The following ALDOB variants were observed in gnomAD, a reference collection of about 807,000 sequenced individuals.
The protein encoded by ALDOB is fructose-bisphosphate aldolase B.
Under a neutral mutation model 41.0 loss-of-function variants are expected in ALDOB, and 39 were observed. That is an observed-to-expected ratio of 0.95 (90% CI 0.74 to 1.24). The LOEUF is 1.24. Among genes scored for constraint, ALDOB ranks in the 50% most tolerant of loss-of-function variants. The pLI is 0.00. For synonymous variants in ALDOB, 175 were observed against 168.8 expected, an observed-to-expected ratio of 1.04 and a Z score of -0.28; for missense variants, 530 against 457.3, an observed-to-expected ratio of 1.16 and a Z score of -1.45.
In ALDOB at chr9:101,427,500, G is replaced by A. The variant is rs752902486; in HGVS notation, c.522C>T (p.Tyr174=). ...IQENANALAR[Y]ASICQQNGLV... is the part of the protein sequence containing the mutation. ...AGAGCACCTGCTGACAGATGCTGGC[G>A]TAGCGAGCCAGGGCGTTGGCGTTTT... is the stretch of plus-strand genomic sequence containing the variant. The change falls in exon 5 of 9, where the codon TAC becomes TAT. Residue 174 remains tyrosine (Y), a synonymous_variant. Transcript: ENST00000647789. The A allele has an allele frequency of 3.2e-5, 51 of 1,614,058 alleles. No homozygotes were observed. Among genetic ancestry groups the A allele is most frequent in the East Asian group, 4.5e-5 (2 of 44,884 alleles).
intron 5 of ALDOB, 40 bp downstream of exon 5, chr9:101,427,442 C>T (rs755044774): frequency 6.2e-7 from 1 of 1,612,732 alleles, no homozygotes; most frequent in Non-Finnish European, 8.5e-7. Flanking sequence ...GAAGAAAACT[C>T]TAGCCTACTC....
intron 2 of ALDOB, among the ~76,000 whole-genome samples, chr9:101,430,245 C>T (rs1201245512): frequency 6.6e-6 from 1 of 152,092 alleles, no homozygotes; most frequent in Non-Finnish European, 1.5e-5. Context: ...TCTCTAGCCT[C>T]CCTGATCTGG....
chr9:101,425,022 C>T lies in ALDOB; in HGVS notation c.820G>A (p.Gly274Ser), dbSNP rs770692295. The change falls in exon 8 of 9, where the codon GGC becomes AGC. Residue 274 changes from glycine (G) to serine (S), a missense_variant. By Grantham distance (56) the Gly-to-Ser change is moderately conservative. Transcript: ENST00000647789. ...AVPGICFLSG[G>S]MSEEDATLNL... ...AGAGTGGCATCCTCTTCACTCATGC[C>T]ACCAGACAAAAAGCAGATGCCTGGT... The T allele has an allele frequency of 6.2e-7, 1 of 1,614,186 alleles. No individual in the cohort carries two copies. Among genetic ancestry groups the T allele is most frequent in the East Asian group, 2.2e-5 (1 of 44,880 alleles).
chr9:101,423,425 T>A (rs992192588), intron 8 of ALDOB, among the ~76,000 whole-genome samples: 3 of 152,196 alleles, frequency 2.0e-5, no homozygotes, highest in African/African-American at 7.2e-5. Context: ...CACTCTTATT[T>A]CAGCTGCACA....
intron 5 of ALDOB, 120 bp from the exon 6 acceptor site, chr9:101,426,758 A>G (rs1411678621): frequency 2.8e-6 from 2 of 721,310 alleles, no homozygotes; most frequent in African/African-American, 3.5e-5. Flanking sequence ...AATACTACAT[A>G]GATGACTTAA....
chr9:101,430,611 CT>C (rs1831202311), intron 2 of ALDOB, among the ~76,000 whole-genome samples, 164 bp downstream of exon 2: 1 of 152,180 alleles, frequency 6.6e-6, no homozygotes. Context: ...AGGAATGTGC[CT>C]ACTACTTACA....
intron 5 of ALDOB, among the ~76,000 whole-genome samples, chr9:101,426,927 A>T (rs17773040): frequency 0.079 from 12,053 of 152,288 alleles, 542 homozygotes; most frequent in Middle Eastern, 0.16. Flanking sequence ...AAGTTGGGTT[A>T]ATGAAGAAAT....
At chr9:101,425,182 G>A (rs1831106912) in intron 7 of ALDOB, 140 bp from the exon 8 acceptor site, 2 of 1,062,944 alleles carry the variant, frequency 1.9e-6, no homozygotes, top group Admixed American at 2.0e-5. Flanking sequence ...TGAGAAATCA[G>A]TTTGCTTTTG....
At chr9:101,425,148 T>A in intron 7 of ALDOB, 106 bp from the exon 8 acceptor site, 1 of 1,325,792 alleles carries the variant, frequency 7.5e-7, no homozygotes, top group Non-Finnish European at 1.1e-6. Context: ...GTCTTTTCTC[T>A]GCTTAATTTG....
At chr9:101,423,128 A>G (rs1831073096) in intron 8 of ALDOB, among the ~76,000 whole-genome samples, 1 of 152,194 alleles carries the variant, frequency 6.6e-6, no homozygotes, top group Admixed American at 6.5e-5. Context: ...AAGGTAAAGC[A>G]CTACTTTGAA....
At chr9:101,425,315 A>C in intron 7 of ALDOB, 138 bp downstream of exon 7, 1 of 1,058,784 alleles carries the variant, frequency 9.4e-7, no homozygotes, top group Non-Finnish European at 1.4e-6. Flanking sequence ...CTGAAGTGGG[A>C]GAAGAAGTGC....
At position 101,428,466 on chromosome 9, in the gene ALDOB, T is replaced by A; in HGVS notation, c.379+3A>T. ...GATTCATCTCAGTGGGCAATATCCTTACCTTGAATGGTGGTTTCTTTGTTT... is the reference window on the plus strand; with the variant it reads ...GATTCATCTCAGTGGGCAATATCCTAACCTTGAATGGTGGTTTCTTTGTTT... On this transcript the variant is annotated splice_donor_region_variant and intron_variant, in intron 4 of 8. Coordinates refer to ENST00000647789, the MANE Select transcript of ALDOB (RefSeq NM_000035.4). 1 of 1,613,518 alleles carries A rather than the reference T, an allele frequency of 6.2e-7. No individual in the cohort carries two copies. Among genetic ancestry groups the A allele is most frequent in the African/African-American group, 1.3e-5 (1 of 75,050 alleles).
At chr9:101,426,676 GCTCA>G (rs769240687) in intron 5 of ALDOB, 38 bp from the exon 6 acceptor site, 1 of 1,255,990 alleles carries the variant, frequency 8.0e-7, no homozygotes, top group South Asian at 1.2e-5. Flanking sequence ...GTGAAGCTGT[GCTCA>G]CTGTTATCCT....
intron 1 of ALDOB, among the ~76,000 whole-genome samples, chr9:101,433,801 G>T (rs759435670): frequency 6.6e-6 from 1 of 151,718 alleles, no homozygotes; most frequent in African/African-American, 2.4e-5. Flanking sequence ...ACAGAGTCTT[G>T]CTCTGTTGCC....
At chr9:101,434,907 A>G (rs1481425617) in intron 1 of ALDOB, among the ~76,000 whole-genome samples, 4 of 152,150 alleles carry the variant, frequency 2.6e-5, no homozygotes, top group Non-Finnish European at 4.4e-5. Context: ...GTGCATCCAA[A>G]TTGTCTAATG....
intron 6 of ALDOB, 115 bp downstream of exon 6, chr9:101,426,440 G>T: frequency 1.3e-6 from 1 of 744,702 alleles, no homozygotes. Context: ...CCTTCTCTAT[G>T]CTATCCATCC....
At position 101,431,119 on chromosome 9, in the gene ALDOB, C is replaced by T. The variant is rs192771838; in HGVS notation, c.-10-222G>A. Among the ~76,000 whole-genome samples, 5 of 152,312 alleles carry T rather than the reference C, an allele frequency of 3.3e-5. No homozygotes were observed. The East Asian group carries it at 5.8e-4, about 18-fold the overall frequency. ...TGGGTTACTGAATGTTCATGGTGAT[C>T]CTAGACAGAATGCTTTCCAGCAGGC... On this transcript the variant is annotated intron_variant, in intron 1 of 8. Coordinates refer to ENST00000647789, the MANE Select transcript of ALDOB (RefSeq NM_000035.4).
rs1564077875 is a variant in ALDOB at position 101,426,630 on chromosome 9, C to T, written c.549G>A (p.Leu183=). The change falls in exon 6 of 9, where the codon CTG becomes CTA. Residue 183 remains leucine (L), a synonymous_variant. Coordinates refer to ENST00000647789, the MANE Select transcript of ALDOB (RefSeq NM_000035.4). ...TTACCTCTGGTTCAACAATAGGTAC[C>T]AGTCCATTCTAAAAAGGAAAATCAA... ...RYASICQQNG[L]VPIVEPEVIP... is the part of the protein sequence containing the mutation. The T allele has an allele frequency of 6.2e-7, 1 of 1,606,736 alleles. No homozygotes were observed. Among genetic ancestry groups the T allele is most frequent in the Non-Finnish European group, 8.5e-7 (1 of 1,173,262 alleles).
At chr9:101,430,984 C>T in intron 1 of ALDOB, 87 bp from the exon 2 acceptor site, 1 of 883,006 alleles carries the variant, frequency 1.1e-6, no homozygotes, top group South Asian at 1.4e-5. Context: ...TGCAGACATG[C>T]TGTGCAGACC....
Sources: gnomAD v4.1 joint callset for allele counts (sites outside exome capture counted in the v4.1 genomes callset) on GRCh38, gnomAD v4.1.1 for gene constraint, MANE v1.5 for transcripts, NCBI Gene and HGNC (gene_info 2026-07-23, HGNC 2026-07-21) for gene names.